The following GRID1 variants were observed in gnomAD, a reference collection of about 807,000 sequenced individuals.
GRID1 encodes glutamate ionotropic receptor delta type subunit 1.
A neutral mutation model predicts 98.0 loss-of-function variants in GRID1; 28 were observed. That is an observed-to-expected ratio of 0.29 (90% CI 0.21 to 0.39). The LOEUF (loss-of-function observed/expected upper bound fraction) is 0.39. Among genes scored for constraint, GRID1 ranks in the 10% least tolerant of loss-of-function variants. GRID1 has a pLI of 1.00. For missense variants in GRID1, 1,111 were observed against 1,340.5 expected (o/e 0.83, Z 2.67); for synonymous variants, 553 against 538.5 (o/e 1.03, Z -0.37).
At chr10:86,011,628 T>C (rs1489599575) in intron 4 of GRID1, among the ~76,000 whole-genome samples, 1 of 152,198 alleles carries the variant, frequency 6.6e-6, no homozygotes, top group East Asian at 1.9e-4. Context: ...AGAAGACTAT[T>C]CCAAGGAGGA....
At chr10:85,794,783 G>T (rs1481186129) in intron 8 of GRID1, among the ~76,000 whole-genome samples, 1 of 152,156 alleles carries the variant, frequency 6.6e-6, no homozygotes, top group Non-Finnish European at 1.5e-5. Context: ...CCCTGCATTT[G>T]CCTCCTGTAA....
At chr10:85,740,338 GTC>G (rs1370292466) in intron 8 of GRID1, among the ~76,000 whole-genome samples, 2 of 152,126 alleles carry the variant, frequency 1.3e-5, no homozygotes, top group Non-Finnish European at 1.5e-5. Context: ...CTCCTCTTAA[GTC>G]TCTATTATGC....
intron 8 of GRID1, among the ~76,000 whole-genome samples, chr10:85,756,071 T>C (rs541176515): frequency 1.3e-5 from 2 of 150,736 alleles, no homozygotes; most frequent in African/African-American, 5.0e-5. Context: ...TATGTTCCAA[T>C]ACCCCCCCTA....
At chr10:85,675,458 C>T (rs138873257) in intron 12 of GRID1, among the ~76,000 whole-genome samples, 2 of 152,272 alleles carry the variant, frequency 1.3e-5, no homozygotes, top group East Asian at 3.9e-4. Flanking sequence ...GTGAGAAAGG[C>T]TGCTTTCAGG....
chr10:85,781,421 T>C (rs1399233597), intron 8 of GRID1, among the ~76,000 whole-genome samples: 1 of 152,232 alleles, frequency 6.6e-6, no homozygotes. Flanking sequence ...GAAATCCATA[T>C]AGTTACTTTT....
intron 5 of GRID1, among the ~76,000 whole-genome samples, chr10:85,906,229 T>C (rs1029814207): frequency 6.6e-6 from 1 of 152,128 alleles, no homozygotes; most frequent in Admixed American, 6.5e-5. Flanking sequence ...TTTATGCCCC[T>C]TGAAATAAAG....
chr10:86,121,429 AT>A (rs1844665871), intron 4 of GRID1, among the ~76,000 whole-genome samples: 7 of 151,296 alleles, frequency 4.6e-5, no homozygotes, highest in South Asian at 4.2e-4. Context: ...TATCACCATT[AT>A]CATCATCATT....
At chr10:86,313,435 G>A (rs1021079294) in intron 2 of GRID1, among the ~76,000 whole-genome samples, 2 of 152,096 alleles carry the variant, frequency 1.3e-5, no homozygotes, top group African/African-American at 4.8e-5. Context: ...AGTCCCTCTG[G>A]CCCTGTCATG....
intron 3 of GRID1, among the ~76,000 whole-genome samples, chr10:86,174,907 G>C (rs1470162358): frequency 6.6e-6 from 1 of 152,098 alleles, no homozygotes. Flanking sequence ...ACCATCAGTG[G>C]CCATCAGAGA....
chr10:85,740,833 A>C (rs188388165), intron 8 of GRID1, among the ~76,000 whole-genome samples: 216 of 151,730 alleles, frequency 1.4e-3, no homozygotes, highest in African/African-American at 4.9e-3. Flanking sequence ...CTCACTGCAA[A>C]CTTTGCCTCC....
chr10:86,345,992 G>A (rs1848375723), intron 2 of GRID1, among the ~76,000 whole-genome samples: 2 of 152,192 alleles, frequency 1.3e-5, no homozygotes, highest in Admixed American at 6.5e-5. Context: ...ACTTCTTCCA[G>A]GAAGCCTCCC....
intron 2 of GRID1, among the ~76,000 whole-genome samples, chr10:86,285,890 TA>T (rs1445613143): frequency 6.6e-6 from 1 of 152,244 alleles, no homozygotes; most frequent in Non-Finnish European, 1.5e-5. Flanking sequence ...AGCAAAACCG[TA>T]TTTGAGAACC....
chr10:86,018,393 G>A (rs1475580373), intron 4 of GRID1, among the ~76,000 whole-genome samples: 3 of 152,226 alleles, frequency 2.0e-5, no homozygotes, highest in African/African-American at 7.2e-5. Flanking sequence ...CCCTGTCAGG[G>A]GAGATAAGAC....
At chr10:86,040,548 T>C (rs993199918) in intron 4 of GRID1, among the ~76,000 whole-genome samples, 2 of 146,582 alleles carry the variant, frequency 1.4e-5, no homozygotes, top group Non-Finnish European at 3.0e-5. Flanking sequence ...TCATAGAAGT[T>C]GAGAGTAGAA....
At chr10:86,363,387 C>G (rs1848628340) in intron 2 of GRID1, among the ~76,000 whole-genome samples, 1 of 152,340 alleles carries the variant, frequency 6.6e-6, no homozygotes, top group African/African-American at 2.4e-5. Context: ...TCCTCCAAAC[C>G]TGGTGGAGGA....
intron 8 of GRID1, among the ~76,000 whole-genome samples, chr10:85,763,723 A>C (rs77616015): frequency 6.6e-6 from 1 of 152,320 alleles, no homozygotes; most frequent in African/African-American, 2.4e-5. Context: ...TCATCAGTAG[A>C]CAGATTTGAG....
intron 5 of GRID1, among the ~76,000 whole-genome samples, chr10:85,890,602 A>G (rs1284500033): frequency 2.0e-5 from 3 of 152,184 alleles, no homozygotes; most frequent in Admixed American, 2.0e-4. Flanking sequence ...GGAAATTGTA[A>G]GTGATAATCC....
chr10:85,855,913 C>T lies in GRID1; in HGVS notation c.1113+116G>A, dbSNP rs769754434. 4.8e-4 allele frequency: 402 copies of T among 828,922 alleles called. 1 individual carries two copies. Among genetic ancestry groups the T allele is most frequent in the Non-Finnish European group, 7.2e-4 (363 of 502,600 alleles). 51.3% of individuals were successfully genotyped at this position (828,922 alleles called of 1,614,324 possible). The stretch of plus-strand genomic sequence containing the variant: ...ACAAGGAGAGAGGAATGGGGAGGGG[C>T]CTACTGGGGCAGCCACACAGAGCCT... On this transcript the variant is annotated intron_variant, in intron 7 of 15. Coordinates refer to ENST00000327946, the MANE Select transcript of GRID1 (RefSeq NM_017551.3).
At chr10:85,684,826 G>T (rs188902077) in intron 12 of GRID1, among the ~76,000 whole-genome samples, 79 of 152,280 alleles carry the variant, frequency 5.2e-4, no homozygotes, top group Non-Finnish European at 9.0e-4. Context: ...TCTGGTGAAG[G>T]TTCACTTTTG....
Sources: gnomAD v4.1 joint callset for allele counts (sites outside exome capture counted in the v4.1 genomes callset) on GRCh38, gnomAD v4.1.1 for gene constraint, MANE v1.5 for transcripts, NCBI Gene and HGNC (gene_info 2026-07-23, HGNC 2026-07-21) for gene names.